The following CAMK4 variants were observed in gnomAD, a reference collection of about 807,000 sequenced individuals.
The protein encoded by CAMK4 is calcium/calmodulin dependent protein kinase IV.
Under a neutral mutation model 44.9 loss-of-function variants are expected in CAMK4, and 22 were observed. That is an observed-to-expected ratio of 0.49 (90% confidence interval 0.35 to 0.70). The LOEUF (loss-of-function observed/expected upper bound fraction) is 0.70, where lower values mean the gene tolerates loss of function less well. CAMK4 is among the 30% of genes least tolerant of loss of function. The probability of loss-of-function intolerance (pLI) is 0.01; values close to 1 mark genes in which losing one functional copy is unlikely to be tolerated. For missense variants in CAMK4, 498 were observed against 586.8 expected, an observed-to-expected ratio of 0.85 and a Z score of 1.56; for synonymous variants, 218 against 215.4, an observed-to-expected ratio of 1.01 and a Z score of -0.11.
At chr5:111,440,506 A>C (rs1753786251) in intron 5 of CAMK4, among the ~76,000 whole-genome samples, 1 of 152,188 alleles carries the variant, frequency 6.6e-6, no homozygotes, top group Admixed American at 6.5e-5. Context: ...GAGAAAATTC[A>C]GTACACATTT....
chr5:111,364,991 C>G (rs1750737472), intron 2 of CAMK4: 1 of 152,190 alleles, frequency 6.6e-6, no homozygotes, highest in South Asian at 2.1e-4. Context: ...AACCGTCACC[C>G]ACCCTGTGCA....
intron 1 of CAMK4, among the ~76,000 whole-genome samples, chr5:111,341,367 T>G (rs950317260): frequency 7.0e-4 from 106 of 151,340 alleles, no homozygotes; most frequent in Non-Finnish European, 1.2e-3. Context: ...TTTGAGTAAT[T>G]TTTTAATATA....
intron 1 of CAMK4, among the ~76,000 whole-genome samples, chr5:111,283,319 C>T (rs989311694): frequency 6.6e-6 from 1 of 152,060 alleles, no homozygotes; most frequent in African/African-American, 2.4e-5. Flanking sequence ...ATACTCTGTG[C>T]ATATAGAAAG....
chr5:111,264,890 G>T (rs1277762271), intron 1 of CAMK4, among the ~76,000 whole-genome samples: 1 of 152,022 alleles, frequency 6.6e-6, no homozygotes, highest in Non-Finnish European at 1.5e-5. Context: ...GATTGACATG[G>T]TGTCAGATCC....
chr5:111,249,666 ATGTGTGTGTGTGTGTGTG>A (rs3066628), intron 1 of CAMK4, among the ~76,000 whole-genome samples: 4 of 140,734 alleles, frequency 2.8e-5, no homozygotes, highest in African/African-American at 8.0e-5. Context: ...GTGTATATAT[ATGTGTGTGTGTGTGTGTG>A]TGTGTGTGTG....
intron 4 of CAMK4, among the ~76,000 whole-genome samples, chr5:111,386,793 G>A (rs1453993116): frequency 1.3e-5 from 2 of 152,264 alleles, no homozygotes; most frequent in Admixed American, 6.5e-5. Context: ...GACGCTTTCA[G>A]TGGAGGAGCT....
intron 1 of CAMK4, among the ~76,000 whole-genome samples, chr5:111,274,751 C>CT (rs1056498480): frequency 1.3e-5 from 2 of 151,956 alleles, no homozygotes; most frequent in African/African-American, 4.8e-5. Flanking sequence ...TGTGAAATAA[C>CT]TTTTTTAATG....
intron 4 of CAMK4, among the ~76,000 whole-genome samples, chr5:111,382,704 G>A (rs1031565076): frequency 3.9e-5 from 6 of 152,090 alleles, no homozygotes; most frequent in Admixed American, 6.6e-5. Flanking sequence ...GTTAACTTCC[G>A]TTAGGTCATT....
intron 1 of CAMK4, among the ~76,000 whole-genome samples, chr5:111,337,728 C>G (rs1378088157): frequency 6.6e-6 from 1 of 151,006 alleles, no homozygotes; most frequent in Non-Finnish European, 1.5e-5. Flanking sequence ...GTCATTGGCA[C>G]TAGTAAGGTT....
chr5:111,377,511 G>A (rs1160028114), intron 4 of CAMK4, among the ~76,000 whole-genome samples: 1 of 150,622 alleles, frequency 6.6e-6, no homozygotes, highest in Non-Finnish European at 1.5e-5. Flanking sequence ...AGTGAGAATG[G>A]AGGGGGGTGG....
intron 1 of CAMK4, among the ~76,000 whole-genome samples, chr5:111,324,623 C>T (rs1366135253): frequency 1.3e-5 from 2 of 151,896 alleles, no homozygotes; most frequent in Non-Finnish European, 2.9e-5. Flanking sequence ...ACACCCCCCT[C>T]TCAAAAATTG....
chr5:111,398,719 A>G (rs548634282), intron 5 of CAMK4, among the ~76,000 whole-genome samples: 1 of 152,170 alleles, frequency 6.6e-6, no homozygotes, highest in African/African-American at 2.4e-5. Flanking sequence ...TATATTCCTG[A>G]TTCTCTCATT....
intron 7 of CAMK4, among the ~76,000 whole-genome samples, chr5:111,459,909 C>T (rs959611824): frequency 6.6e-6 from 1 of 152,104 alleles, no homozygotes; most frequent in East Asian, 1.9e-4. Flanking sequence ...GACCATAAAT[C>T]ATTTTTGATG....
At chr5:111,235,084 T>G (rs1748653358) in intron 1 of CAMK4, among the ~76,000 whole-genome samples, 1 of 152,228 alleles carries the variant, frequency 6.6e-6, no homozygotes, top group Non-Finnish European at 1.5e-5. Context: ...TTACTTTTCA[T>G]TGCTCAGAAT....
At chr5:111,258,812 T>C (rs1018507951) in intron 1 of CAMK4, among the ~76,000 whole-genome samples, 2 of 151,692 alleles carry the variant, frequency 1.3e-5, no homozygotes, top group Non-Finnish European at 2.9e-5. Context: ...TCTTGTGTTA[T>C]ATGAACTTGT....
intron 1 of CAMK4, among the ~76,000 whole-genome samples, chr5:111,230,080 TGTC>T (rs1748394344): frequency 6.6e-6 from 1 of 152,174 alleles, no homozygotes; most frequent in Admixed American, 6.5e-5. Context: ...TTGGTCCTGA[TGTC>T]GTAGTGATAT....
intron 1 of CAMK4, among the ~76,000 whole-genome samples, chr5:111,249,643 T>TATATAA: frequency 9.8e-6 from 1 of 102,280 alleles, no homozygotes; most frequent in South Asian, 3.5e-4. Flanking sequence ...TATATATATA[T>TATATAA]ATGTGTGTGT....
At chr5:111,439,912 T>G (rs1753768560) in intron 5 of CAMK4, among the ~76,000 whole-genome samples, 1 of 152,110 alleles carries the variant, frequency 6.6e-6, no homozygotes, top group South Asian at 2.1e-4. Context: ...GTCTTTGGGT[T>G]GAGAAAAATG....
intron 1 of CAMK4, among the ~76,000 whole-genome samples, chr5:111,232,036 C>T (rs1748498142): frequency 6.6e-6 from 1 of 152,154 alleles, no homozygotes; most frequent in South Asian, 2.1e-4. Context: ...CTCGCTCTCT[C>T]TTTTATTCCT....
Sources: allele counts gnomAD v4.1 joint callset (sites outside exome capture counted in the v4.1 genomes callset), GRCh38; gene constraint gnomAD v4.1.1; transcripts MANE v1.5; gene names NCBI Gene and HGNC (gene_info 2026-07-23, HGNC 2026-07-21).